Variants in EXOSC4 observed in about 807,000 individuals in gnomAD.
The protein encoded by EXOSC4 is exosome component 4, also known as exosome complex component RRP41.
In EXOSC4, 14 loss-of-function variants were observed where a neutral mutation model predicts 20.0. That is an observed-to-expected ratio of 0.70 (90% CI 0.46 to 1.09). EXOSC4 has a LOEUF of 1.09. Ranked by LOEUF, EXOSC4 falls within the 50% of genes least tolerant of loss-of-function variation. The pLI is 0.00. For synonymous variants in EXOSC4, 148 were observed against 146.4 expected (o/e 1.01, Z -0.08); for missense variants, 337 against 334.0 (o/e 1.01, Z -0.07).
chr8:144,079,781 C>T, intron 1 of EXOSC4, 162 bp from the exon 2 acceptor site: 1 of 784,466 alleles, frequency 1.3e-6, no homozygotes, highest in Non-Finnish European at 2.3e-6. Flanking sequence ...CAGAGGGCGA[C>T]ACATGCAAGA....
the EXOSC4 span, among the ~76,000 whole-genome samples, chr8:144,070,127 A>G: frequency 1.3e-5 from 2 of 152,204 alleles, no homozygotes; most frequent in Non-Finnish European, 2.9e-5. Flanking sequence ...AGTGCCTGGG[A>G]AAGTTCAAGG....
the EXOSC4 span, among the ~76,000 whole-genome samples, chr8:144,073,258 C>T: frequency 3.9e-5 from 6 of 152,182 alleles, no homozygotes; most frequent in South Asian, 2.1e-4. Flanking sequence ...TGGTGGCGGG[C>T]GCCTGTAATC....
chr8:144,078,988 A>G lies in EXOSC4; in HGVS notation c.171+89A>G, dbSNP rs1835867530. Reference sequence around the variant, plus strand: ...CGCTGGCTCGGGGACTTGAGGGGCAACGGCCGGCGCGCCTCAGTCTACACA... The same window carrying G: ...CGCTGGCTCGGGGACTTGAGGGGCAGCGGCCGGCGCGCCTCAGTCTACACA... On this transcript the variant is annotated intron_variant, in intron 1 of 2. Coordinates refer to ENST00000316052, the MANE Select transcript of EXOSC4 (RefSeq NM_019037.3). The surrounding 1 kb of genome is among the most constrained non-coding windows in gnomAD (Gnocchi z 4.7). 2 of 1,326,892 alleles carry G rather than the reference A, an allele frequency of 1.5e-6. No individual in the cohort carries two copies. The highest frequency in any genetic ancestry group is 7.7e-5 in the Admixed American group (2 of 25,822). The allele number at this position is 1,326,892 out of a possible 1,614,324, so 82.2% of individuals were successfully genotyped here.
intron 1 of EXOSC4, 93 bp from the exon 2 acceptor site, chr8:144,079,850 G>C: frequency 8.3e-7 from 1 of 1,206,180 alleles, no homozygotes; most frequent in Non-Finnish European, 1.2e-6. Context: ...CCTTGCTGAG[G>C]CATTGAAAGT....
At chr8:144,065,812 CTTT>C in the EXOSC4 span, among the ~76,000 whole-genome samples, 1 of 141,058 alleles carries the variant, frequency 7.1e-6, no homozygotes, top group Non-Finnish European at 1.5e-5. Context: ...ATTTTATTTA[CTTT>C]TTTTTTTTTT....
chr8:144,075,099 G>C (rs1242513801), upstream of EXOSC4, among the ~76,000 whole-genome samples: 1 of 152,172 alleles, frequency 6.6e-6, no homozygotes, highest in Non-Finnish European at 1.5e-5. Flanking sequence ...GTCTCATTCT[G>C]TTGCCCAGGC....
At chr8:144,069,580 GT>G in the EXOSC4 span, among the ~76,000 whole-genome samples, 1 of 152,204 alleles carries the variant, frequency 6.6e-6, no homozygotes, top group Non-Finnish European at 1.5e-5. Context: ...GGCCCACTGG[GT>G]CACCCGGGAT....
chr8:144,068,495 T>C, the EXOSC4 span, among the ~76,000 whole-genome samples: 2 of 152,250 alleles, frequency 1.3e-5, no homozygotes, highest in Admixed American at 1.3e-4. Context: ...GGAATCTGAC[T>C]GGCCTGTGCG....
chr8:144,077,942 A>G (rs576623575), upstream of EXOSC4: 96 of 152,360 alleles, frequency 6.3e-4, 1 homozygote, highest in African/African-American at 2.2e-3. Context: ...CAACTGTAGG[A>G]GAGATCCTAA....
the EXOSC4 span, among the ~76,000 whole-genome samples, chr8:144,070,163 G>GA: frequency 6.6e-6 from 1 of 152,118 alleles, no homozygotes; most frequent in Admixed American, 6.5e-5. Context: ...AAACCTGCTG[G>GA]AAAAAAACTG....
Position 144,078,895 on chromosome 8 carries a change from A to G in EXOSC4, c.167A>G (p.His56Arg), listed in dbSNP as rs200000259. Residue 56 changes from histidine (H) to arginine (R), a missense_variant, in exon 1 of 3, where the codon CAC becomes CGC. By Grantham distance (29) the His-to-Arg change is conservative (BLOSUM62 0). Coordinates refer to ENST00000316052, the MANE Select transcript of EXOSC4 (RefSeq NM_019037.3). The surrounding 1 kb of genome is among the most constrained non-coding windows in gnomAD (Gnocchi z 4.7). ...TKALAVVYGP[H>R]EIRGSRARAL... ...GCACTGGCTGTGGTCTACGGCCCGCACGAGGCGAGTGGGCGCGCGGGATGG... is the reference window on the plus strand; with the variant it reads ...GCACTGGCTGTGGTCTACGGCCCGCGCGAGGCGAGTGGGCGCGCGGGATGG... 34 of 1,478,262 alleles carry G rather than the reference A, an allele frequency of 2.3e-5. No individual in the cohort carries two copies. In the Admixed American group the frequency reaches 2.9e-4, roughly 13 times the overall value. The allele number at this position is 1,478,262 out of a possible 1,614,324, so 91.6% of individuals were successfully genotyped here.
At position 144,078,983 on chromosome 8, in the gene EXOSC4, G is replaced by A. The variant is rs559037490; in HGVS notation, c.171+84G>A. Reference sequence around the variant, plus strand: ...CTGAGCGCTGGCTCGGGGACTTGAGGGGCAACGGCCGGCGCGCCTCAGTCT... The same window carrying A: ...CTGAGCGCTGGCTCGGGGACTTGAGAGGCAACGGCCGGCGCGCCTCAGTCT... On this transcript the variant is annotated intron_variant, in intron 1 of 2. Transcript: ENST00000316052. This position sits in a 1 kb window ranked among gnomAD's most constrained non-coding sequence, Gnocchi z 4.7. 2.5e-5 allele frequency: 34 copies of A among 1,336,928 alleles called. No homozygotes were observed. The South Asian group carries it at 5.6e-4, about 22-fold the overall frequency. The allele number at this position is 1,336,928 out of a possible 1,614,324, so 82.8% of individuals were successfully genotyped here. A position where few individuals can be genotyped will look rare whatever the true frequency, so the allele number is the denominator to read the frequency against.
chr8:144,067,029 G>A, the EXOSC4 span, among the ~76,000 whole-genome samples: 1 of 151,978 alleles, frequency 6.6e-6, no homozygotes, highest in East Asian at 1.9e-4. Context: ...AGAGGTTGTG[G>A]AGAGCCGAGA....
chr8:144,071,164 TCCCTCCCCTCC>T, the EXOSC4 span, among the ~76,000 whole-genome samples: 4 of 101,866 alleles, frequency 3.9e-5, no homozygotes, highest in African/African-American at 1.7e-4. Flanking sequence ...GTTTCCTTTC[TCCCTCCCCTCC>T]CCCTCCCCTC....
At chr8:144,078,585 C>A (rs1411222923), upstream of EXOSC4, 5 of 907,386 alleles carry the variant, frequency 5.5e-6, no homozygotes, top group Non-Finnish European at 7.6e-6. This position sits in a 1 kb window ranked among gnomAD's most constrained non-coding sequence, Gnocchi z 4.7. Flanking sequence ...AGGTCAGGGC[C>A]GCGGAGAGCT....
chr8:144,075,486 A>G (rs1554762627), upstream of EXOSC4, among the ~76,000 whole-genome samples: 3 of 152,038 alleles, frequency 2.0e-5, no homozygotes, highest in Non-Finnish European at 4.4e-5. Context: ...TCGGCCTCCC[A>G]AAGTGCTGGG....
upstream of EXOSC4, chr8:144,078,232 C>A (rs1835855521): frequency 6.5e-6 from 1 of 153,138 alleles, no homozygotes; most frequent in African/African-American, 2.4e-5. The surrounding 1 kb of genome is among the most constrained non-coding windows in gnomAD (Gnocchi z 4.7). Context: ...CCTAGGACCG[C>A]TCAATGCCTT....
At chr8:144,067,171 G>A in the EXOSC4 span, among the ~76,000 whole-genome samples, 9 of 152,224 alleles carry the variant, frequency 5.9e-5, no homozygotes, top group Non-Finnish European at 1.0e-4. Context: ...AGGGTAAAGC[G>A]TGATAGGCAG....
the EXOSC4 span, among the ~76,000 whole-genome samples, chr8:144,070,897 T>C: frequency 7.2e-5 from 11 of 152,132 alleles, no homozygotes; most frequent in East Asian, 2.1e-3. Context: ...TTGGGGAGGT[T>C]AAATACAACC....
Sources: allele counts gnomAD v4.1 joint callset (sites outside exome capture counted in the v4.1 genomes callset), GRCh38; gene constraint gnomAD v4.1.1; non-coding constraint Gnocchi (gnomAD v3.1); transcripts MANE v1.5; gene names NCBI Gene and HGNC (gene_info 2026-07-23, HGNC 2026-07-21).